Variants in CEP350 observed in about 807,000 individuals in gnomAD.
The protein encoded by CEP350 is centrosome-associated protein 350.
Under a neutral mutation model 331.8 loss-of-function variants are expected in CEP350, and 126 were observed. That is an observed-to-expected ratio of 0.38 (90% CI 0.33 to 0.44). CEP350 has a LOEUF of 0.44. Ranked by LOEUF, CEP350 falls within the 20% of genes least tolerant of loss-of-function variation. The pLI, the probability that CEP350 is intolerant of heterozygous loss-of-function variation, is 1.00. For synonymous variants in CEP350, 1,200 were observed against 1,259.5 expected, an observed-to-expected ratio of 0.95 and a Z score of 1.00; for missense variants, 3,406 against 3,634.6, an observed-to-expected ratio of 0.94 and a Z score of 1.62.
At chr1:180,045,606 T>G (rs1558124253) in intron 21 of CEP350, among the ~76,000 whole-genome samples, 1 of 152,208 alleles carries the variant, frequency 6.6e-6, no homozygotes, top group Non-Finnish European at 1.5e-5. Flanking sequence ...TGATGTTCAT[T>G]TAACCTTTAC....
At chr1:180,048,791 G>A (rs920612579) in intron 22 of CEP350, 86 bp downstream of exon 22, 2 of 1,027,290 alleles carry the variant, frequency 1.9e-6, no homozygotes, top group Non-Finnish European at 2.9e-6. Flanking sequence ...CAAATAAGCT[G>A]GATGTGGTGG....
chr1:179,987,980 A>T (rs970855780), intron 3 of CEP350, among the ~76,000 whole-genome samples: 1 of 152,108 alleles, frequency 6.6e-6, no homozygotes, highest in African/African-American at 2.4e-5. Flanking sequence ...CACCTTTAAT[A>T]AATTTGTTCA....
At chr1:179,963,090 G>C (rs184513845) in intron 1 of CEP350, among the ~76,000 whole-genome samples, 1 of 151,922 alleles carries the variant, frequency 6.6e-6, no homozygotes, top group African/African-American at 2.4e-5. Flanking sequence ...TCATATGTTT[G>C]TTGGCCACTT....
chr1:180,034,459 C>T (rs183177004), intron 16 of CEP350, among the ~76,000 whole-genome samples: 5 of 128,780 alleles, frequency 3.9e-5, no homozygotes, highest in East Asian at 4.5e-4. Flanking sequence ...ACAGATACTG[C>T]GGGGTTTTTT....
intron 25 of CEP350, among the ~76,000 whole-genome samples, chr1:180,058,932 A>G (rs1658027320): frequency 6.6e-6 from 1 of 152,188 alleles, no homozygotes; most frequent in Non-Finnish European, 1.5e-5. Flanking sequence ...ATATTTTCCT[A>G]TGTCTTATTC....
At chr1:180,090,398 T>A (rs1193961901) in intron 32 of CEP350, among the ~76,000 whole-genome samples, 3 of 150,686 alleles carry the variant, frequency 2.0e-5, no homozygotes, top group Admixed American at 1.3e-4. Context: ...TACAAAAAAT[T>A]AGCCGGGCGT....
chr1:180,058,534 T>C (rs1013521040), intron 25 of CEP350, among the ~76,000 whole-genome samples: 4 of 152,104 alleles, frequency 2.6e-5, no homozygotes, highest in African/African-American at 9.7e-5. Flanking sequence ...AAACCACATA[T>C]AGAAATGATA....
chr1:179,964,616 T>G (rs950420841), intron 1 of CEP350, among the ~76,000 whole-genome samples: 4 of 152,122 alleles, frequency 2.6e-5, no homozygotes, highest in African/African-American at 9.7e-5. Flanking sequence ...TGGGAGGTTG[T>G]GTGTTTCCAA....
Position 180,083,876 on chromosome 1 carries a change from T to A in CEP350, c.6125-142T>A, listed in dbSNP as rs941364586. Reference sequence around the variant, plus strand: ...TATAGGGATACATTTTAGTAATAAATCTTCTTCCGAAGCTCATATTTTAAT... The same window carrying A: ...TATAGGGATACATTTTAGTAATAAAACTTCTTCCGAAGCTCATATTTTAAT... On this transcript the variant is annotated intron_variant, in intron 30 of 37. Transcript: ENST00000367607. The A allele has an allele frequency of 6.6e-5, 31 of 467,442 alleles. No individual in the cohort carries two copies. In the South Asian group the frequency reaches 1.1e-3, roughly 17 times the overall value. 29.0% of individuals were successfully genotyped at this position (467,442 alleles called of 1,614,324 possible). A position where few individuals can be genotyped will look rare whatever the true frequency, so the allele number is the denominator to read the frequency against.
intron 27 of CEP350, among the ~76,000 whole-genome samples, chr1:180,070,303 T>G (rs1258922822): frequency 6.6e-6 from 1 of 152,164 alleles, no homozygotes. Context: ...CACTTAAAAT[T>G]TAGTTTATAA....
intron 11 of CEP350, among the ~76,000 whole-genome samples, chr1:180,016,930 T>G (rs1170465112): frequency 2.0e-5 from 3 of 152,194 alleles, no homozygotes; most frequent in Non-Finnish European, 4.4e-5. Context: ...CCCAAAGTGC[T>G]GGGATTACAG....
intron 37 of CEP350, among the ~76,000 whole-genome samples, chr1:180,106,861 A>T (rs576674800): frequency 5.3e-5 from 8 of 151,170 alleles, no homozygotes; most frequent in African/African-American, 1.9e-4. Context: ...GCTGAGGAAA[A>T]CCCCAAGACC....
intron 6 of CEP350, among the ~76,000 whole-genome samples, chr1:180,001,970 T>G (rs1446553332): frequency 6.6e-6 from 1 of 152,262 alleles, no homozygotes; most frequent in Non-Finnish European, 1.5e-5. Context: ...TAACATACTA[T>G]GTGGTAGCTA....
chr1:179,987,481 A>G (rs1361241594), intron 3 of CEP350, among the ~76,000 whole-genome samples, 195 bp downstream of exon 3: 1 of 147,874 alleles, frequency 6.8e-6, no homozygotes, highest in East Asian at 1.9e-4. Flanking sequence ...TACAGTATAT[A>G]CTTATATACA....
In CEP350 at chr1:180,052,540, A is replaced by G. The variant is rs113966281; in HGVS notation, c.4793-430A>G. ...CAGGAACCAAACTGAAAGAGCTGTC[A>G]TATTCTAATTAAGCTTGGAATTAAT... On this transcript the variant is annotated intron_variant, in intron 22 of 37. Coordinates refer to ENST00000367607, the MANE Select transcript of CEP350 (RefSeq NM_014810.5). Among the ~76,000 whole-genome samples the G allele has an allele frequency of 5.4e-3, 824 of 152,334 alleles. 11 individuals carry two copies. The highest frequency in any genetic ancestry group is 0.018 in the African/African-American group (768 of 41,576).
chr1:180,085,856 A>G (rs753377832), intron 31 of CEP350: 3 of 152,350 alleles, frequency 2.0e-5, no homozygotes, highest in South Asian at 2.1e-4. Context: ...ATCATCAAAT[A>G]TTCAAATGCC....
chr1:179,988,431 G>A (rs1652805653), intron 3 of CEP350, among the ~76,000 whole-genome samples: 1 of 152,138 alleles, frequency 6.6e-6, no homozygotes, highest in South Asian at 2.1e-4. Context: ...TTCCAATTTG[G>A]ATGCCCTTTA....
chr1:180,067,966 G>T (rs2149032830), intron 27 of CEP350, among the ~76,000 whole-genome samples: 1 of 152,274 alleles, frequency 6.6e-6, no homozygotes, highest in South Asian at 2.1e-4. Context: ...GCTACTTCGT[G>T]AACAACAAAA....
Position 180,003,154 on chromosome 1 carries a change from G to A in CEP350, c.1019-20G>A, listed in dbSNP as rs185778774. The A allele has an allele frequency of 7.5e-6, 11 of 1,468,258 alleles. No homozygotes were observed. In the East Asian group the frequency reaches 1.1e-4, roughly 15 times the overall value. 91.0% of individuals were successfully genotyped at this position (1,468,258 alleles called of 1,614,324 possible). A position where few individuals can be genotyped will look rare whatever the true frequency, so the allele number is the denominator to read the frequency against. On this transcript the variant is annotated intron_variant, in intron 6 of 37. Coordinates refer to ENST00000367607, the MANE Select transcript of CEP350 (RefSeq NM_014810.5). Reference sequence around the variant, plus strand: ...AAAGCAACTTTGATAAGAATATTCTGTGTTACTGGTATGTATTAGGTTTCA... The same window carrying A: ...AAAGCAACTTTGATAAGAATATTCTATGTTACTGGTATGTATTAGGTTTCA...
Sources: gnomAD v4.1 joint callset for allele counts (sites outside exome capture counted in the v4.1 genomes callset) on GRCh38, gnomAD v4.1.1 for gene constraint, MANE v1.5 for transcripts, NCBI Gene and HGNC (gene_info 2026-07-23, HGNC 2026-07-21) for gene names.